The following COMMD7 variants were observed in gnomAD, a reference collection of about 807,000 sequenced individuals.
The protein encoded by COMMD7 is COMM domain-containing protein 7.
A neutral mutation model predicts 34.8 loss-of-function variants in COMMD7; 28 were observed. That is an observed-to-expected ratio of 0.80 (90% confidence interval 0.60 to 1.10). The LOEUF (loss-of-function observed/expected upper bound fraction) is 1.10, where lower values mean the gene tolerates loss of function less well. Among genes scored for constraint, COMMD7 ranks in the 50% least tolerant of loss-of-function variants. The probability of loss-of-function intolerance (pLI) is 0.00; values close to 1 mark genes in which losing one functional copy is unlikely to be tolerated. For missense variants in COMMD7, 211 were observed against 241.6 expected, an observed-to-expected ratio of 0.87 and a Z score of 0.84; for synonymous variants, 80 against 86.4, an observed-to-expected ratio of 0.93 and a Z score of 0.41.
chr20:32,729,184 T>C (rs960653719), intron 1 of COMMD7, among the ~76,000 whole-genome samples: 1 of 150,794 alleles, frequency 6.6e-6, no homozygotes, highest in Non-Finnish European at 1.5e-5. Context: ...TTTTTTTTTT[T>C]TTTAGATGGA....
intron 3 of COMMD7, among the ~76,000 whole-genome samples, chr20:32,710,515 G>C (rs28378056): frequency 0.67 from 100,915 of 151,216 alleles, 34,593 homozygotes; most frequent in Middle Eastern, 0.81. Flanking sequence ...GAGGATACCT[G>C]AGCCCAGGGG....
At chr20:32,727,120 T>TGG (rs5841112) in intron 3 of COMMD7, among the ~76,000 whole-genome samples, 1 of 150,810 alleles carries the variant, frequency 6.6e-6, no homozygotes, top group Admixed American at 6.6e-5. Flanking sequence ...CCCAGCTACT[T>TGG]GGGGGTTGAG....
chr20:32,722,477 C>A (rs564159991), intron 3 of COMMD7, among the ~76,000 whole-genome samples: 4 of 152,180 alleles, frequency 2.6e-5, no homozygotes, highest in Non-Finnish European at 5.9e-5. Context: ...GTAATCCCAG[C>A]GCTGTGGGAG....
At chr20:32,707,138 G>C (rs996114831) in intron 3 of COMMD7, among the ~76,000 whole-genome samples, 1 of 143,026 alleles carries the variant, frequency 7.0e-6, no homozygotes, top group Non-Finnish European at 1.5e-5. Context: ...AAAAAAATTA[G>C]CCAGGCATGG....
chr20:32,719,810 A>G lies in COMMD7; in HGVS notation c.241+8083T>C, dbSNP rs571728522. ...GCAGCTCTATCAATAAATAAAGGCC[A>G]TAACAGCCTGGCACAGTAACATGCC... On this transcript the variant is annotated intron_variant, in intron 3 of 8. Coordinates refer to ENST00000278980, the MANE Select transcript of COMMD7 (RefSeq NM_053041.3). Among the ~76,000 whole-genome samples the G allele has an allele frequency of 2.0e-5, 3 of 152,314 alleles. No individual in the cohort carries two copies. In the South Asian group the frequency reaches 6.2e-4, roughly 32 times the overall value.
rs948662761 is a variant in COMMD7, at chr20:32,735,173, G to A, written c.85-7031C>T. ...GAACTGCTTGAACCCGGGAGGCAGA[G>A]GTTGCAGTGAGCCAAGATTGCGCCA... is the stretch of plus-strand genomic sequence containing the variant. On this transcript the variant is annotated intron_variant, in intron 1 of 8. Transcript: ENST00000278980. 6.6e-5 allele frequency among the ~76,000 whole-genome samples: 10 copies of A among 151,346 alleles called. No individual in the cohort carries two copies. In the South Asian group the frequency reaches 1.5e-3, roughly 22 times the overall value.
chr20:32,734,449 G>A (rs1275619426), intron 1 of COMMD7, among the ~76,000 whole-genome samples: 1 of 151,744 alleles, frequency 6.6e-6, no homozygotes, highest in Non-Finnish European at 1.5e-5. Context: ...TCCAGCCTGG[G>A]TGACAGAGCT....
At chr20:32,720,443 C>T (rs1568783016) in intron 3 of COMMD7, among the ~76,000 whole-genome samples, 1 of 151,094 alleles carries the variant, frequency 6.6e-6, no homozygotes. Context: ...TGCAGTGAGC[C>T]GAGATCGAGC....
intron 1 of COMMD7, among the ~76,000 whole-genome samples, chr20:32,732,898 T>G (rs986088385): frequency 1.3e-5 from 2 of 151,770 alleles, no homozygotes; most frequent in East Asian, 1.9e-4. Context: ...ATCGCGCCAC[T>G]GCACTCCAGC....
chr20:32,715,179 A>G (rs1300369765), intron 3 of COMMD7, among the ~76,000 whole-genome samples: 1 of 127,712 alleles, frequency 7.8e-6, no homozygotes, highest in African/African-American at 3.0e-5. Flanking sequence ...AAAAATAATA[A>G]TAATAATAAT....
At chr20:32,741,241 A>G (rs992487080) in intron 1 of COMMD7, among the ~76,000 whole-genome samples, 1 of 151,824 alleles carries the variant, frequency 6.6e-6, no homozygotes, top group Non-Finnish European at 1.5e-5. Context: ...GGGTCTCACT[A>G]TGCTGCCCAG....
intron 3 of COMMD7, among the ~76,000 whole-genome samples, chr20:32,719,639 A>C (rs1354024733): frequency 6.6e-6 from 1 of 152,032 alleles, no homozygotes. Context: ...AACAAGAGCA[A>C]AACTCCATCT....
chr20:32,713,012 G>T (rs1395638791), intron 3 of COMMD7, among the ~76,000 whole-genome samples: 1 of 150,810 alleles, frequency 6.6e-6, no homozygotes, highest in Non-Finnish European at 1.5e-5. Context: ...GATTACAGGC[G>T]TGAGCCACTG....
chr20:32,729,565 G>A (rs1985718573), intron 1 of COMMD7, among the ~76,000 whole-genome samples: 1 of 150,994 alleles, frequency 6.6e-6, no homozygotes, highest in Admixed American at 6.6e-5. Context: ...AGGATTGCTT[G>A]AGGCTGTGAG....
Position 32,728,120 on chromosome 20 carries a change from A to C in COMMD7, c.107T>G (p.Val36Gly). Residue 36 changes from valine to glycine, a missense_variant, in exon 2 of 9, where the codon GTG becomes GGG. Coordinates refer to ENST00000278980, the MANE Select transcript of COMMD7 (RefSeq NM_053041.3). Reference protein sequence around the residue: ...GAQQFSALTEVLFHFLTEPKE... With the variant: ...GAQQFSALTEGLFHFLTEPKE... ...TGGCTCAGTTAGGAAGTGGAAAAGC[A>C]CCTCTGTCAGGGCTGAGAACTGCTG... 2 of 1,614,070 alleles carry C rather than the reference A, an allele frequency of 1.2e-6. No homozygotes were observed. Among genetic ancestry groups the C allele is most frequent in the South Asian group, 1.1e-5 (1 of 91,086 alleles).
chr20:32,706,720 C>G lies in COMMD7; in HGVS notation c.282G>C (p.Ala94=), dbSNP rs764422132. Residue 94 remains alanine (A), a synonymous_variant, in exon 4 of 9, where the codon GCG becomes GCC. Transcript: ENST00000278980. The part of the protein sequence containing the change: ...KKSLTAKQVQ[A]DFITLGLSEE... ...ATGACCTACCCAGAGTTATGAAATC[C>G]GCCTGGACCTGCTTGGCTGTGAGAC... The G allele has an allele frequency of 1.2e-6, 2 of 1,613,872 alleles. No homozygotes were observed. Among genetic ancestry groups the G allele is most frequent in the Non-Finnish European group, 1.7e-6 (2 of 1,179,990 alleles).
At chr20:32,721,157 A>C (rs1985130775) in intron 3 of COMMD7, among the ~76,000 whole-genome samples, 1 of 152,170 alleles carries the variant, frequency 6.6e-6, no homozygotes, top group African/African-American at 2.4e-5. Context: ...TTGCAGCTCA[A>C]GGCTGAAGGC....
chr20:32,710,522 G>A (rs1476700029), intron 3 of COMMD7, among the ~76,000 whole-genome samples: 4 of 151,066 alleles, frequency 2.6e-5, no homozygotes, highest in African/African-American at 9.7e-5. Context: ...CCTGAGCCCA[G>A]GGGTTCAAGA....
At chr20:32,734,054 G>A (rs1407418774) in intron 1 of COMMD7, among the ~76,000 whole-genome samples, 4 of 151,752 alleles carry the variant, frequency 2.6e-5, no homozygotes, top group East Asian at 1.9e-4. Context: ...GGTAGGGGGC[G>A]CCTATAGTCC....
Sources: gnomAD v4.1 joint callset for allele counts (sites outside exome capture counted in the v4.1 genomes callset) on GRCh38, gnomAD v4.1.1 for gene constraint, MANE v1.5 for transcripts, NCBI Gene and HGNC (gene_info 2026-07-23, HGNC 2026-07-21) for gene names.